MAGI2: variants seen among roughly 807,000 people sequenced by gnomAD.
MAGI2 encodes membrane-associated guanylate kinase, WW and PDZ domain-containing protein 2.
Under a neutral mutation model 133.3 loss-of-function variants are expected in MAGI2, and 35 were observed. The observed-to-expected ratio is 0.26, with a 90% CI of 0.20 to 0.35. The LOEUF (loss-of-function observed/expected upper bound fraction) is 0.35. Among genes scored for constraint, MAGI2 ranks in the 10% least tolerant of loss-of-function variants. MAGI2 has a pLI of 1.00. For synonymous variants in MAGI2, 729 were observed against 710.6 expected (o/e 1.03, Z -0.41); for missense variants, 1,636 against 1,863.4 (o/e 0.88, Z 2.25).
At chr7:78,413,782 G>T (rs944908142) in intron 6 of MAGI2, among the ~76,000 whole-genome samples, 1 of 151,958 alleles carries the variant, frequency 6.6e-6, no homozygotes, top group Admixed American at 6.6e-5. Context: ...TGCTACACAC[G>T]GGCCAAGGAA....
chr7:78,265,663 T>A (rs551045141), intron 9 of MAGI2, among the ~76,000 whole-genome samples: 10 of 152,318 alleles, frequency 6.6e-5, no homozygotes, highest in African/African-American at 1.9e-4. Flanking sequence ...AACCACATAT[T>A]AACCGCCCCC....
chr7:78,818,628 T>C (rs1438783159), intron 2 of MAGI2, among the ~76,000 whole-genome samples: 1 of 152,202 alleles, frequency 6.6e-6, no homozygotes, highest in East Asian at 1.9e-4. Flanking sequence ...ACTACTTTGG[T>C]ATGTGTGTAC....
intron 6 of MAGI2, among the ~76,000 whole-genome samples, chr7:78,392,953 G>A (rs2018323): frequency 0.36 from 54,733 of 151,978 alleles, 10,541 homozygotes; most frequent in Middle Eastern, 0.49. Context: ...GAGCCACCGC[G>A]CCTGGCCTGT....
chr7:79,058,618 G>T (rs2117049041), intron 1 of MAGI2, among the ~76,000 whole-genome samples: 1 of 152,080 alleles, frequency 6.6e-6, no homozygotes, highest in South Asian at 2.1e-4. Flanking sequence ...TATTACAAGG[G>T]GTGACATTAG....
intron 21 of MAGI2, among the ~76,000 whole-genome samples, chr7:78,049,424 C>T (rs988245510): frequency 1.4e-4 from 21 of 152,318 alleles, no homozygotes; most frequent in African/African-American, 5.1e-4. Context: ...AGACATTTTA[C>T]TTAGTGCTCC....
At chr7:78,492,152 C>T (rs761221698) in intron 5 of MAGI2, among the ~76,000 whole-genome samples, 2 of 152,036 alleles carry the variant, frequency 1.3e-5, no homozygotes, top group Non-Finnish European at 2.9e-5. Context: ...CTATTGCACA[C>T]CACCATGGGT....
chr7:78,493,422 T>C (rs899584154), intron 5 of MAGI2, among the ~76,000 whole-genome samples: 4 of 152,210 alleles, frequency 2.6e-5, no homozygotes, highest in African/African-American at 9.6e-5. Flanking sequence ...GTCTACTGTG[T>C]CAGGGAAAGC....
At chr7:78,141,472 G>A (rs1018262613) in intron 16 of MAGI2, among the ~76,000 whole-genome samples, 2 of 152,048 alleles carry the variant, frequency 1.3e-5, no homozygotes, top group African/African-American at 4.8e-5. Flanking sequence ...AGTTTTCTTT[G>A]TCATCATGGG....
chr7:78,225,786 G>A (rs540992403), intron 10 of MAGI2, among the ~76,000 whole-genome samples: 5 of 152,240 alleles, frequency 3.3e-5, no homozygotes, highest in Non-Finnish European at 5.9e-5. Context: ...GCTTCTTTTC[G>A]CCCTAGTCCA....
At chr7:78,838,288 G>A (rs1791831535) in intron 2 of MAGI2, among the ~76,000 whole-genome samples, 1 of 151,870 alleles carries the variant, frequency 6.6e-6, no homozygotes, top group Non-Finnish European at 1.5e-5. Context: ...CTTGAACACG[G>A]CATGTATTTG....
At chr7:78,562,130 A>G (rs959790629) in intron 3 of MAGI2, among the ~76,000 whole-genome samples, 1 of 152,168 alleles carries the variant, frequency 6.6e-6, no homozygotes, top group Non-Finnish European at 1.5e-5. Context: ...GTACATAAAG[A>G]TGTTCCATGT....
At position 78,804,926 on chromosome 7, in the gene MAGI2, G is replaced by A. The variant is rs898888931; in HGVS notation, c.419-177687C>T. Among the ~76,000 whole-genome samples the A allele has an allele frequency of 2.0e-5, 3 of 151,446 alleles. No individual in the cohort carries two copies. The East Asian group carries it at 5.9e-4, about 30-fold the overall frequency. ...CTACTAAAAATACAAAAATTAGCTG[G>A]GTGCGGGTGTGGGCACCTATAATCC... is the stretch of plus-strand genomic sequence containing the variant. On this transcript the variant is annotated intron_variant, in intron 2 of 21. Coordinates refer to ENST00000354212, the MANE Select transcript of MAGI2 (RefSeq NM_012301.4).
At chr7:78,119,232 T>C (rs975316258) in intron 20 of MAGI2, among the ~76,000 whole-genome samples, 1 of 152,144 alleles carries the variant, frequency 6.6e-6, no homozygotes, top group Non-Finnish European at 1.5e-5. Flanking sequence ...ATAATGTGGA[T>C]ACATGCCATT....
intron 3 of MAGI2, among the ~76,000 whole-genome samples, chr7:78,527,703 C>CA (rs1250758835): frequency 6.6e-6 from 1 of 152,122 alleles, no homozygotes; most frequent in Non-Finnish European, 1.5e-5. Flanking sequence ...CACTTACTTC[C>CA]AACACCTTTT....
intron 21 of MAGI2, among the ~76,000 whole-genome samples, chr7:78,029,153 AC>A (rs1310108650): frequency 1.3e-5 from 2 of 152,254 alleles, no homozygotes; most frequent in East Asian, 3.9e-4. Context: ...AAGATACCAA[AC>A]CCTTTCTGAA....
intron 1 of MAGI2, among the ~76,000 whole-genome samples, chr7:79,404,084 C>T (rs886948704): frequency 2.0e-5 from 3 of 152,100 alleles, no homozygotes; most frequent in Non-Finnish European, 4.4e-5. Flanking sequence ...ACCTGCTTCT[C>T]GAACTGTCTG....
At chr7:78,807,378 T>A (rs2151398571) in intron 2 of MAGI2, among the ~76,000 whole-genome samples, 1 of 152,308 alleles carries the variant, frequency 6.6e-6, no homozygotes, top group East Asian at 1.9e-4. Context: ...AAAACATATT[T>A]GAAAAGAGTG....
intron 1 of MAGI2, among the ~76,000 whole-genome samples, chr7:79,286,300 C>G (rs1429639664): frequency 6.6e-6 from 1 of 152,028 alleles, no homozygotes; most frequent in Non-Finnish European, 1.5e-5. Context: ...CTGATCCTCA[C>G]AACCAAACAT....
chr7:79,061,527 G>A (rs1340288451), intron 1 of MAGI2, among the ~76,000 whole-genome samples: 2 of 151,914 alleles, frequency 1.3e-5, no homozygotes, highest in Non-Finnish European at 2.9e-5. Flanking sequence ...ATAAGGACCC[G>A]CTCAGGCTAG....
Sources: allele counts gnomAD v4.1 joint callset (sites outside exome capture counted in the v4.1 genomes callset), GRCh38; gene constraint gnomAD v4.1.1; transcripts MANE v1.5; gene names NCBI Gene and HGNC (gene_info 2026-07-23, HGNC 2026-07-21).